Variants in TYW5 observed in about 807,000 individuals in gnomAD.
TYW5 encodes tRNA wybutosine-synthesizing protein 5.
Under a neutral mutation model 44.4 loss-of-function variants are expected in TYW5, and 36 were observed. The ratio of observed to expected loss-of-function variants is 0.81; its 90% confidence interval spans 0.62 to 1.07. The LOEUF (loss-of-function observed/expected upper bound fraction) is 1.07, where lower values mean the gene tolerates loss of function less well. Ranked by LOEUF, TYW5 falls within the 50% of genes least tolerant of loss-of-function variation. TYW5 has a pLI of 0.00. For synonymous variants in TYW5, 121 were observed against 128.1 expected, an observed-to-expected ratio of 0.94 and a Z score of 0.37; for missense variants, 354 against 365.7, an observed-to-expected ratio of 0.97 and a Z score of 0.26.
intron 4 of TYW5, 89 bp downstream of exon 4, chr2:199,940,000 G>A: frequency 1.7e-6 from 2 of 1,203,574 alleles, no homozygotes; most frequent in Non-Finnish European, 2.5e-6. Flanking sequence ...GAATATGTCA[G>A]GCAGTAAGTA....
chr2:199,940,167 T>C, intron 3 of TYW5, 34 bp from the exon 4 acceptor site: 6 of 1,599,762 alleles, frequency 3.8e-6, no homozygotes, highest in Non-Finnish European at 5.1e-6. Flanking sequence ...ACATCAGCAA[T>C]ATTTTACTTT....
chr2:199,944,972 T>C (rs1208732857), intron 2 of TYW5: 5 of 152,210 alleles, frequency 3.3e-5, no homozygotes, highest in African/African-American at 9.7e-5. Context: ...ACACTGTTTA[T>C]CATAAAAATA....
intron 5 of TYW5, among the ~76,000 whole-genome samples, chr2:199,937,190 T>C (rs988206958): frequency 6.6e-6 from 1 of 152,304 alleles, no homozygotes; most frequent in East Asian, 1.9e-4. Context: ...AAGCAAGATA[T>C]ATTCATGATT....
At chr2:199,940,026 G>A in intron 4 of TYW5, 63 bp downstream of exon 4, 2 of 1,446,062 alleles carry the variant, frequency 1.4e-6, no homozygotes, top group East Asian at 4.6e-5. Context: ...TTACAGTGTT[G>A]CCAGTTAACA....
In TYW5 at chr2:199,955,475, G is replaced by A. The variant is rs984012090; in HGVS notation, c.-5C>T. 6.2e-7 allele frequency: 1 copy of A among 1,613,488 alleles called. No individual in the cohort carries two copies. Among genetic ancestry groups the A allele is most frequent in the Non-Finnish European group, 8.5e-7 (1 of 1,179,850 alleles). ...CGGGAGGTGCTGCCCGGCCATGGTTGCTCACGCCTGCCCTCTTCCAGGTCT... is the reference window on the plus strand; with the variant it reads ...CGGGAGGTGCTGCCCGGCCATGGTTACTCACGCCTGCCCTCTTCCAGGTCT... On this transcript the variant is annotated 5_prime_UTR_variant, in exon 1 of 8. Transcript: ENST00000354611.
At chr2:199,944,178 T>C (rs761383533) in intron 2 of TYW5, 6 of 176,242 alleles carry the variant, frequency 3.4e-5, no homozygotes, top group African/African-American at 7.1e-5. Context: ...AGGTTCTGAT[T>C]GCTACCTGTT....
At chr2:199,948,726 G>A (rs1477565734) in intron 1 of TYW5, among the ~76,000 whole-genome samples, 2 of 152,082 alleles carry the variant, frequency 1.3e-5, no homozygotes, top group South Asian at 4.2e-4. Context: ...ACTAAAATTT[G>A]TACTTTATAG....
rs566968765 is a variant in TYW5, at chr2:199,929,340, A to G, written c.*3727T>C. ...ACCCTAGAACTTAAAAGTATAATAA[A>G]AAAATAAATAGAGACTACAACTTAG... On this transcript the variant is annotated 3_prime_UTR_variant, in exon 8 of 8. Transcript: ENST00000354611. 3.3e-5 allele frequency among the ~76,000 whole-genome samples: 5 copies of G among 152,114 alleles called. No homozygotes were observed. The highest frequency in any genetic ancestry group is 1.3e-4 in the Admixed American group (2 of 15,264).
At chr2:199,953,205 C>A (rs1396371986) in intron 1 of TYW5, among the ~76,000 whole-genome samples, 1 of 152,096 alleles carries the variant, frequency 6.6e-6, no homozygotes, top group Non-Finnish European at 1.5e-5. Flanking sequence ...TGCCTGTAGT[C>A]CTGGCTACTC....
In TYW5 at chr2:199,940,040, A is replaced by G. The variant is rs1223796640; in HGVS notation, c.348+49T>C. 5 of 1,544,234 alleles carry G rather than the reference A, an allele frequency of 3.2e-6. No homozygotes were observed. The East Asian group carries it at 9.0e-5, about 28-fold the overall frequency. ...ATTACAGTGTTGCCAGTTAACATACATACATCCATTTAGATTTTAGGGAAT... is the reference window on the plus strand; with the variant it reads ...ATTACAGTGTTGCCAGTTAACATACGTACATCCATTTAGATTTTAGGGAAT... On this transcript the variant is annotated intron_variant, in intron 4 of 7. Coordinates refer to ENST00000354611, the MANE Select transcript of TYW5 (RefSeq NM_001039693.3).
chr2:199,942,526 T>C (rs1559303918), intron 3 of TYW5: 2 of 152,230 alleles, frequency 1.3e-5, no homozygotes, highest in South Asian at 2.1e-4. Context: ...TATTTAAATA[T>C]ATACCACTGA....
At chr2:199,946,729 T>C (rs1464515628) in intron 2 of TYW5, 10 of 152,210 alleles carry the variant, frequency 6.6e-5, no homozygotes, top group Non-Finnish European at 1.3e-4. Context: ...CCTGGATGCA[T>C]TCCTTCTTTC....
intron 1 of TYW5, 99 bp downstream of exon 1, chr2:199,955,294 C>T: frequency 7.2e-7 from 1 of 1,392,112 alleles, no homozygotes; most frequent in Non-Finnish European, 9.8e-7. Flanking sequence ...GCCTCTTTCC[C>T]ACACCCTGGG....
intron 2 of TYW5, 125 bp downstream of exon 2, chr2:199,948,193 C>T: frequency 1.1e-6 from 1 of 910,254 alleles, no homozygotes; most frequent in Admixed American, 2.5e-5. Context: ...GTAAGCTATT[C>T]CATGATTACA....
At chr2:199,936,343 G>C in intron 6 of TYW5, 62 bp downstream of exon 6, 2 of 1,371,168 alleles carry the variant, frequency 1.5e-6, no homozygotes, top group South Asian at 2.5e-5. Flanking sequence ...AGAATCAAGA[G>C]ATTTCTCAAA....
chr2:199,954,433 TTTTG>T (rs755763694), intron 1 of TYW5, among the ~76,000 whole-genome samples: 100 of 151,710 alleles, frequency 6.6e-4, no homozygotes, highest in Non-Finnish European at 1.2e-3. Flanking sequence ...AGAATTGTAG[TTTTG>T]TTTGTTTGTT....
chr2:199,951,537 C>T (rs969164007), intron 1 of TYW5, among the ~76,000 whole-genome samples: 6 of 152,130 alleles, frequency 3.9e-5, no homozygotes, highest in Admixed American at 3.3e-4. Context: ...AAAGTCACCC[C>T]ATCCACATTC....
chr2:199,949,974 C>T (rs1414122649), intron 1 of TYW5, among the ~76,000 whole-genome samples: 1 of 152,048 alleles, frequency 6.6e-6, no homozygotes, highest in East Asian at 1.9e-4. Flanking sequence ...TTAACTGGGG[C>T]ACTTCCTTAC....
chr2:199,948,861 T>C (rs281773), intron 1 of TYW5, among the ~76,000 whole-genome samples: 17,320 of 152,144 alleles, frequency 0.11, 1,442 homozygotes, highest in Admixed American at 0.24. Flanking sequence ...TTTTGCACAT[T>C]TGCTTTATGA....
Sources: allele counts gnomAD v4.1 joint callset (sites outside exome capture counted in the v4.1 genomes callset), GRCh38; gene constraint gnomAD v4.1.1; transcripts MANE v1.5; gene names NCBI Gene and HGNC (gene_info 2026-07-23, HGNC 2026-07-21).